The following TOM1L1 variants were observed in gnomAD, a reference collection of about 807,000 sequenced individuals.
TOM1L1 encodes the protein target of myb1 like 1 membrane trafficking protein.
In TOM1L1, 64 loss-of-function variants were observed where a neutral mutation model predicts 63.4. The observed-to-expected ratio is 1.01, with a 90% CI of 0.83 to 1.24. The LOEUF is 1.24. Among genes scored for constraint, TOM1L1 ranks in the 50% most tolerant of loss-of-function variants. TOM1L1 has a pLI of 0.00. For missense variants in TOM1L1, 536 were observed against 567.0 expected (o/e 0.95, Z 0.55); for synonymous variants, 166 against 194.4 (o/e 0.85, Z 1.22).
chr17:54,936,383 G>GA lies in TOM1L1; in HGVS notation c.855-263dup, dbSNP rs566846759. The GA allele has an allele frequency of 1.5e-3, 438 of 301,752 alleles. 4 individuals carry two copies. The highest frequency in any genetic ancestry group is 9.0e-3 in the African/African-American group (411 of 45,774). 18.7% of individuals were successfully genotyped at this position (301,752 alleles called of 1,614,324 possible). A position where few individuals can be genotyped will look rare whatever the true frequency, so the allele number is the denominator to read the frequency against. ...CTTAAAAATAGATGCACTTATAGAT[G>GA]AAATACTGGAATAATGTTAATAGAT... On this transcript the variant is annotated intron_variant, in intron 8 of 15. Transcript: ENST00000575882.
intron 3 of TOM1L1, among the ~76,000 whole-genome samples, chr17:54,908,810 C>G (rs181034674): frequency 1.3e-5 from 2 of 152,274 alleles, no homozygotes; most frequent in South Asian, 4.2e-4. Flanking sequence ...GGAAAGTGGT[C>G]GAACAGGTTC....
At chr17:54,949,203 A>ATTTTTTTTTTTTTTTTTT (rs58407367) in intron 12 of TOM1L1, among the ~76,000 whole-genome samples, 9 of 122,296 alleles carry the variant, frequency 7.4e-5, no homozygotes, top group South Asian at 2.7e-4. Flanking sequence ...ATGCCCAGCT[A>ATTTTTTTTTTTTTTTTTT]TTTTTTTTTT....
intron 7 of TOM1L1, among the ~76,000 whole-genome samples, chr17:54,921,181 T>C (rs557478592): frequency 6.6e-6 from 1 of 152,322 alleles, no homozygotes; most frequent in South Asian, 2.1e-4. Flanking sequence ...TATTGCTGCT[T>C]GAGTCTTTAG....
At chr17:54,959,681 G>A (rs764047527) in intron 14 of TOM1L1, among the ~76,000 whole-genome samples, 11 of 148,506 alleles carry the variant, frequency 7.4e-5, no homozygotes, top group Admixed American at 4.1e-4. Flanking sequence ...GCAGTGGCAC[G>A]ATCTCAGCTC....
At chr17:54,958,750 G>C (rs2077025920) in intron 14 of TOM1L1, among the ~76,000 whole-genome samples, 1 of 81,672 alleles carries the variant, frequency 1.2e-5, no homozygotes, top group South Asian at 3.7e-4. Flanking sequence ...AAAAAAAAAG[G>C]GGTTGTTGGT....
intron 8 of TOM1L1, among the ~76,000 whole-genome samples, chr17:54,931,961 T>TTTG (rs1555610428): frequency 6.3e-4 from 28 of 44,644 alleles, no homozygotes; most frequent in South Asian, 2.3e-3. Context: ...TTTTTTTTTG[T>TTTG]TTGTTTGTTT....
At chr17:54,903,248 T>A (rs1199290180) in intron 1 of TOM1L1, among the ~76,000 whole-genome samples, 2 of 152,266 alleles carry the variant, frequency 1.3e-5, no homozygotes, top group Non-Finnish European at 2.9e-5. Context: ...TAGATTTGAA[T>A]GCCAATTCTA....
chr17:54,944,822 T>C (rs2049091481), intron 11 of TOM1L1, among the ~76,000 whole-genome samples: 1 of 152,234 alleles, frequency 6.6e-6, no homozygotes, highest in Non-Finnish European at 1.5e-5. Context: ...CTGCTTTAAA[T>C]AATTTTTCTT....
At chr17:54,923,060 G>A (rs770294301) in intron 7 of TOM1L1, among the ~76,000 whole-genome samples, 22 of 152,230 alleles carry the variant, frequency 1.4e-4, no homozygotes, top group Non-Finnish European at 2.5e-4. Context: ...CATCCATGTT[G>A]TAGCATGTAT....
chr17:54,913,345 T>A (rs1244599235), intron 4 of TOM1L1, among the ~76,000 whole-genome samples: 1 of 152,152 alleles, frequency 6.6e-6, no homozygotes, highest in Admixed American at 6.5e-5. Flanking sequence ...TAATTATTGA[T>A]CTCTTATTTT....
intron 10 of TOM1L1, 82 bp downstream of exon 10, chr17:54,937,308 A>G (rs2143897491): frequency 1.8e-6 from 2 of 1,103,908 alleles, no homozygotes; most frequent in Non-Finnish European, 2.8e-6. Context: ...ATTAAATACC[A>G]CCTAAGAAGG....
intron 14 of TOM1L1, 50 bp from the exon 15 acceptor site, chr17:54,960,516 G>A (rs771542285): frequency 2.7e-6 from 4 of 1,479,012 alleles, no homozygotes; most frequent in South Asian, 2.3e-5. Context: ...AACCAAAATA[G>A]CACTTTGAAA....
At chr17:54,956,480 G>C (rs1268689165) in intron 14 of TOM1L1, among the ~76,000 whole-genome samples, 1 of 152,058 alleles carries the variant, frequency 6.6e-6, no homozygotes, top group African/African-American at 2.4e-5. Context: ...TAATTTTTTT[G>C]TATATTTAGT....
At chr17:54,958,401 A>T (rs561459761) in intron 14 of TOM1L1, 1 of 152,260 alleles carries the variant, frequency 6.6e-6, no homozygotes, top group African/African-American at 2.4e-5. Flanking sequence ...GTAAGTACAG[A>T]TAACTTCTTA....
Position 54,900,865 on chromosome 17 carries a change from C to G in TOM1L1, c.-1C>G, listed in dbSNP as rs779451597. 6.2e-7 allele frequency: 1 copy of G among 1,613,564 alleles called. No individual in the cohort carries two copies. ...CCTGGGCCCGGCCCTCTGGCGCTAC[C>G]ATGGCGTTTGGCAAGAGTCACCGGG... On this transcript the variant is annotated 5_prime_UTR_variant, in exon 1 of 16. Transcript: ENST00000575882.
intron 3 of TOM1L1, among the ~76,000 whole-genome samples, chr17:54,911,949 C>T (rs903970257): frequency 1.3e-4 from 20 of 152,296 alleles, no homozygotes; most frequent in South Asian, 8.3e-4. Flanking sequence ...ACAACCTGGA[C>T]GGACTTTATC....
intron 8 of TOM1L1, among the ~76,000 whole-genome samples, chr17:54,933,289 C>T (rs558585739): frequency 1.3e-5 from 2 of 152,218 alleles, no homozygotes; most frequent in Non-Finnish European, 2.9e-5. Context: ...CTTACTTCCA[C>T]TTCTGCCTCT....
chr17:54,933,189 G>GA (rs1284778934), intron 8 of TOM1L1, among the ~76,000 whole-genome samples: 5 of 152,192 alleles, frequency 3.3e-5, no homozygotes, highest in Non-Finnish European at 7.3e-5. Flanking sequence ...GCAACAGCTA[G>GA]AGGCTGTTCA....
At chr17:54,908,508 A>G (rs1453348550) in intron 3 of TOM1L1, among the ~76,000 whole-genome samples, 1 of 152,216 alleles carries the variant, frequency 6.6e-6, no homozygotes, top group Non-Finnish European at 1.5e-5. Context: ...ATCCCTATAT[A>G]TGACATTTCC....
Sources: allele counts gnomAD v4.1 joint callset (sites outside exome capture counted in the v4.1 genomes callset), GRCh38; gene constraint gnomAD v4.1.1; transcripts MANE v1.5; gene names NCBI Gene and HGNC (gene_info 2026-07-23, HGNC 2026-07-21).